LINGO2: variants seen among roughly 807,000 people sequenced by gnomAD.
The protein encoded by LINGO2 is leucine-rich repeat and immunoglobulin-like domain-containing nogo receptor-interacting protein 2.
A neutral mutation model predicts 30.6 loss-of-function variants in LINGO2; 14 were observed. That is an observed-to-expected ratio of 0.46 (90% CI 0.30 to 0.72). The LOEUF is 0.72. Among genes scored for constraint, LINGO2 ranks in the 30% least tolerant of loss-of-function variants. The probability of loss-of-function intolerance (pLI) is 0.07; values close to 1 mark genes in which losing one functional copy is unlikely to be tolerated. For synonymous variants in LINGO2, 317 were observed against 288.5 expected, an observed-to-expected ratio of 1.10 and a Z score of -1.00; for missense variants, 729 against 751.7, an observed-to-expected ratio of 0.97 and a Z score of 0.35.
chr9:29,114,862 C>T, the LINGO2 span, among the ~76,000 whole-genome samples: 3 of 151,834 alleles, frequency 2.0e-5, no homozygotes, highest in Non-Finnish European at 4.4e-5. Context: ...TGGTTAAATT[C>T]CAGGACACTC....
intron 5 of LINGO2, among the ~76,000 whole-genome samples, chr9:27,958,976 G>T (rs1489977552): frequency 6.6e-6 from 1 of 152,086 alleles, no homozygotes; most frequent in Non-Finnish European, 1.5e-5. Context: ...GCAGATATTG[G>T]AATATTTACA....
chr9:28,141,904 T>C (rs1827683474), intron 4 of LINGO2, among the ~76,000 whole-genome samples: 1 of 152,128 alleles, frequency 6.6e-6, no homozygotes, highest in Non-Finnish European at 1.5e-5. Context: ...AGGGCGAGAC[T>C]CCATCTCAAA....
chr9:29,163,876 C>G, the LINGO2 span, among the ~76,000 whole-genome samples: 50,674 of 151,904 alleles, frequency 0.33, 9,672 homozygotes, highest in Non-Finnish European at 0.42. Context: ...ACTCTAGAAC[C>G]CTGTTAACTG....
At chr9:28,830,058 T>A in the LINGO2 span, among the ~76,000 whole-genome samples, 3 of 152,066 alleles carry the variant, frequency 2.0e-5, no homozygotes, top group African/African-American at 7.2e-5. Flanking sequence ...GTCTGTAAAA[T>A]CCAAGATAAA....
Position 28,289,268 on chromosome 9 carries a change from T to C in LINGO2, c.-87+5940A>G, listed in dbSNP as rs112747288. 8.2e-3 allele frequency among the ~76,000 whole-genome samples: 1,246 copies of C among 152,268 alleles called. 24 individuals carry two copies. The highest frequency in any genetic ancestry group is 0.029 in the African/African-American group (1,185 of 41,558). ...CTATAATATATAAATTTTCTGTTCA[T>C]TTTAAAACACTTAACCTTTAACCAT... On this transcript the variant is annotated intron_variant, in intron 4 of 5. Coordinates refer to ENST00000379992, the Ensembl canonical transcript of LINGO2.
chr9:29,171,904 GA>G, the LINGO2 span, among the ~76,000 whole-genome samples: 1 of 151,748 alleles, frequency 6.6e-6, no homozygotes, highest in East Asian at 1.9e-4. Context: ...TACATTGTGA[GA>G]ATTCTATAAT....
the LINGO2 span, among the ~76,000 whole-genome samples, chr9:28,855,682 C>A: frequency 6.6e-6 from 1 of 151,974 alleles, no homozygotes; most frequent in Non-Finnish European, 1.5e-5. Context: ...CACACACAAG[C>A]AATTCCTTTA....
chr9:29,192,227 G>A, the LINGO2 span, among the ~76,000 whole-genome samples: 2 of 152,116 alleles, frequency 1.3e-5, no homozygotes, highest in African/African-American at 4.8e-5. Context: ...CCTACCATAT[G>A]TGCATCCAGT....
the LINGO2 span, among the ~76,000 whole-genome samples, chr9:29,123,551 A>G: frequency 6.6e-6 from 1 of 152,088 alleles, no homozygotes; most frequent in Non-Finnish European, 1.5e-5. Context: ...AAAATCCTAG[A>G]TAGTGAAGAG....
At chr9:27,971,330 A>G (rs1820343615) in intron 5 of LINGO2, among the ~76,000 whole-genome samples, 1 of 151,954 alleles carries the variant, frequency 6.6e-6, no homozygotes, top group South Asian at 2.1e-4. Flanking sequence ...GGTGGCCAAC[A>G]TATTATAAAA....
chr9:28,070,934 C>A (rs1825456828), intron 4 of LINGO2, among the ~76,000 whole-genome samples: 1 of 152,106 alleles, frequency 6.6e-6, no homozygotes. Flanking sequence ...AGGCTGGTAT[C>A]AAACTCCTGG....
chr9:28,139,188 T>C (rs72725002), intron 4 of LINGO2, among the ~76,000 whole-genome samples: 11,480 of 152,302 alleles, frequency 0.075, 585 homozygotes, highest in Middle Eastern at 0.13. Flanking sequence ...GCAGTAACTC[T>C]ACCAGCATCT....
the LINGO2 span, among the ~76,000 whole-genome samples, chr9:29,146,896 A>G: frequency 2.0e-5 from 3 of 152,184 alleles, no homozygotes; most frequent in Non-Finnish European, 4.4e-5. Flanking sequence ...AACTTTTAAA[A>G]TATTTCTCAA....
At chr9:28,140,885 T>C (rs1827652776) in intron 4 of LINGO2, among the ~76,000 whole-genome samples, 1 of 151,730 alleles carries the variant, frequency 6.6e-6, no homozygotes, top group African/African-American at 2.4e-5. Flanking sequence ...AAATGAAAAG[T>C]ATTCCTTGTT....
the LINGO2 span, among the ~76,000 whole-genome samples, chr9:28,701,263 T>A: frequency 6.6e-6 from 1 of 152,198 alleles, no homozygotes; most frequent in East Asian, 1.9e-4. Context: ...TCTCCTATGT[T>A]ATCTTCTAGG....
At chr9:29,125,648 A>G in the LINGO2 span, among the ~76,000 whole-genome samples, 1 of 152,174 alleles carries the variant, frequency 6.6e-6, no homozygotes, top group South Asian at 2.1e-4. Context: ...TATAACACTT[A>G]TTGACAATTT....
At chr9:29,035,893 T>C in the LINGO2 span, among the ~76,000 whole-genome samples, 2 of 151,922 alleles carry the variant, frequency 1.3e-5, no homozygotes, top group African/African-American at 2.4e-5. Context: ...GATATACATA[T>C]ACACTAAGAA....
chr9:28,715,736 G>A, the LINGO2 span, among the ~76,000 whole-genome samples: 1 of 152,032 alleles, frequency 6.6e-6, no homozygotes, highest in Non-Finnish European at 1.5e-5. Flanking sequence ...ACATAGACAA[G>A]CCACTTTTCT....
At chr9:29,164,728 A>T in the LINGO2 span, among the ~76,000 whole-genome samples, 1 of 152,000 alleles carries the variant, frequency 6.6e-6, no homozygotes. Flanking sequence ...ACACACACAA[A>T]CACACACATT....
Sources: gnomAD v4.1 joint callset for allele counts (sites outside exome capture counted in the v4.1 genomes callset) on GRCh38, gnomAD v4.1.1 for gene constraint, MANE v1.5 for transcripts, NCBI Gene and HGNC (gene_info 2026-07-23, HGNC 2026-07-21) for gene names.